NTN1: variants seen among roughly 807,000 people sequenced by gnomAD.
NTN1 encodes the protein netrin 1, also known as netrin-1.
NTN1 carries 11 observed loss-of-function variants against 54.2 expected under a neutral mutation model. The ratio of observed to expected loss-of-function variants is 0.20; its 90% CI spans 0.13 to 0.34. The LOEUF (loss-of-function observed/expected upper bound fraction) is 0.34, where lower values mean the gene tolerates loss of function less well. NTN1 is among the 10% of genes least tolerant of loss of function. NTN1 has a pLI of 1.00. For synonymous variants in NTN1, 371 were observed against 382.0 expected (o/e 0.97, Z 0.33); for missense variants, 740 against 893.1 (o/e 0.83, Z 2.18).
intron 6 of NTN1, among the ~76,000 whole-genome samples, chr17:9,234,024 A>T (rs1038975883): frequency 5.3e-5 from 8 of 152,160 alleles, no homozygotes; most frequent in African/African-American, 1.7e-4. Context: ...ACACTGCGGC[A>T]GGCTGCCCTT....
At chr17:9,127,215 G>T (rs1412273858) in intron 2 of NTN1, among the ~76,000 whole-genome samples, 1 of 152,168 alleles carries the variant, frequency 6.6e-6, no homozygotes, top group Non-Finnish European at 1.5e-5. Context: ...AGGGGTAGAA[G>T]CTGGGAACAG....
rs530483735 is a variant in NTN1, at chr17:9,233,165, C to T, written c.1487-6475C>T. Among the ~76,000 whole-genome samples, 31 of 152,080 alleles carry T rather than the reference C, an allele frequency of 2.0e-4. No homozygotes were observed. In the South Asian group the frequency reaches 6.0e-3, roughly 30 times the overall value. Reference sequence around the variant, plus strand: ...CCACCTCGAGCAGCCCATAAATCTGCGAGACCTCCAGGAGGTAGGAAGCCT... The same window carrying T: ...CCACCTCGAGCAGCCCATAAATCTGTGAGACCTCCAGGAGGTAGGAAGCCT... On this transcript the variant is annotated intron_variant, in intron 6 of 6. Coordinates refer to ENST00000173229, the MANE Select transcript of NTN1 (RefSeq NM_004822.3).
chr17:9,180,709 T>C (rs995602467), intron 4 of NTN1, among the ~76,000 whole-genome samples: 2 of 152,170 alleles, frequency 1.3e-5, no homozygotes, highest in Non-Finnish European at 2.9e-5. Flanking sequence ...AGGGCTTCCA[T>C]GCACGGCACC....
At chr17:9,078,813 CAA>C (rs2092060211) in intron 2 of NTN1, among the ~76,000 whole-genome samples, 1 of 152,194 alleles carries the variant, frequency 6.6e-6, no homozygotes, top group South Asian at 2.1e-4. Context: ...GTCAGGCAGA[CAA>C]AAAGTCTTCC....
At position 9,148,740 on chromosome 17, in the gene NTN1, C is replaced by T. The variant is rs556520356; in HGVS notation, c.1019-14073C>T. Among the ~76,000 whole-genome samples the T allele has an allele frequency of 9.2e-5, 14 of 152,002 alleles. No homozygotes were observed. In the South Asian group the frequency reaches 1.3e-3, roughly 14 times the overall value. On this transcript the variant is annotated intron_variant, in intron 2 of 6. Coordinates refer to ENST00000173229, the MANE Select transcript of NTN1 (RefSeq NM_004822.3). ...GGGGTCCAGCGTGCAGATTGGGACCCTGGTTTCACCCTGTCCCTGTCCACG... is the reference window on the plus strand; with the variant it reads ...GGGGTCCAGCGTGCAGATTGGGACCTTGGTTTCACCCTGTCCCTGTCCACG...
chr17:9,097,080 G>A (rs1240274623), intron 2 of NTN1, among the ~76,000 whole-genome samples: 3 of 152,086 alleles, frequency 2.0e-5, no homozygotes, highest in African/African-American at 7.2e-5. Context: ...TTGCTCCCAA[G>A]CTGTCTATTG....
chr17:9,239,318 C>T lies in NTN1; in HGVS notation c.1487-322C>T, dbSNP rs1597556520. Among the ~76,000 whole-genome samples, 1 of 152,204 alleles carries T rather than the reference C, an allele frequency of 6.6e-6. No homozygotes were observed. The highest frequency in any genetic ancestry group is 1.5e-5 in the Non-Finnish European group (1 of 68,024). The stretch of plus-strand genomic sequence containing the variant: ...CACCCGAGCGCCTGCCCTGGGCAGA[C>T]AGCTTGCCCAGAGTGCTGGGGGCGT... On this transcript the variant is annotated intron_variant, in intron 6 of 6. Coordinates refer to ENST00000173229, the MANE Select transcript of NTN1 (RefSeq NM_004822.3). The surrounding 1 kb of genome is among the most constrained non-coding windows in gnomAD (Gnocchi z 5.2).
chr17:9,123,622 A>G (rs1165838122), intron 2 of NTN1, among the ~76,000 whole-genome samples: 2 of 151,974 alleles, frequency 1.3e-5, no homozygotes, highest in African/African-American at 4.8e-5. Flanking sequence ...TTACATGTAC[A>G]TATCTCAGTA....
Position 9,023,266 on chromosome 17 carries a change from G to A in NTN1, c.893G>A (p.Arg298His). ...CACGCGGCCCGCTGCGTGCGCGACCGCGACGACAGCCTGGTGTGCGACTGC... is the reference window on the plus strand; with the variant it reads ...CACGCGGCCCGCTGCGTGCGCGACCACGACGACAGCCTGGTGTGCGACTGC... ...NGHAARCVRD[R>H]DDSLVCDCRH... Residue 298 changes from arginine (R) to histidine (H), a missense_variant, in exon 2 of 7, where the codon CGC becomes CAC. Transcript: ENST00000173229. The A allele has an allele frequency of 6.4e-7, 1 of 1,560,704 alleles. No homozygotes were observed. The highest frequency in any genetic ancestry group is 8.7e-7 in the Non-Finnish European group (1 of 1,154,072).
chr17:9,108,420 G>A (rs375435474), intron 2 of NTN1, among the ~76,000 whole-genome samples: 1 of 152,158 alleles, frequency 6.6e-6, no homozygotes, highest in East Asian at 1.9e-4. Flanking sequence ...GGAGTCACAC[G>A]CAGAGGCTAC....
chr17:9,225,077 A>T lies in NTN1; in HGVS notation c.1486+3835A>T, dbSNP rs184681823. 1.6e-3 allele frequency among the ~76,000 whole-genome samples: 241 copies of T among 152,226 alleles called. 1 individual carries two copies. Among genetic ancestry groups the T allele is most frequent in the African/African-American group, 5.6e-3 (232 of 41,546 alleles). On this transcript the variant is annotated intron_variant, in intron 6 of 6. Transcript: ENST00000173229. The stretch of plus-strand genomic sequence containing the variant: ...GGAGTTTGAAACCAGTCTGGCCAAC[A>T]TAGTGAAACCCCGTCTCTATTAAAA...
chr17:9,086,922 C>G (rs144481313), intron 2 of NTN1, among the ~76,000 whole-genome samples: 1 of 152,168 alleles, frequency 6.6e-6, no homozygotes, highest in Admixed American at 6.5e-5. Context: ...GCATCAGCAC[C>G]GTTGTCATCA....
chr17:9,033,917 CAAAAA>C (rs58699789), intron 2 of NTN1, among the ~76,000 whole-genome samples: 1 of 106,450 alleles, frequency 9.4e-6, no homozygotes, highest in Non-Finnish European at 1.9e-5. Flanking sequence ...AACTCTGTCT[CAAAAA>C]AAAAAAAAAA....
intron 6 of NTN1, among the ~76,000 whole-genome samples, chr17:9,227,321 CAT>C (rs1159046241): frequency 1.5e-5 from 2 of 136,944 alleles, no homozygotes; most frequent in African/African-American, 2.9e-5. Context: ...ACACCACACA[CAT>C]CAAACACAGA....
At chr17:9,033,318 G>A (rs904558509) in intron 2 of NTN1, among the ~76,000 whole-genome samples, 2 of 152,158 alleles carry the variant, frequency 1.3e-5, no homozygotes, top group African/African-American at 2.4e-5. Flanking sequence ...TGCTAGAGAA[G>A]AATGGGGCTG....
At chr17:9,138,737 G>A (rs1485574768) in intron 2 of NTN1, among the ~76,000 whole-genome samples, 2 of 152,218 alleles carry the variant, frequency 1.3e-5, no homozygotes, top group Non-Finnish European at 2.9e-5. Flanking sequence ...GTACCAGGGA[G>A]GGGCAGAGCT....
chr17:9,009,755 A>T, the NTN1 span, among the ~76,000 whole-genome samples: 9 of 152,064 alleles, frequency 5.9e-5, no homozygotes, highest in South Asian at 1.9e-3. Context: ...TTTCATGAAA[A>T]ACATTTTTCC....
In NTN1 at chr17:9,240,051, C is replaced by T. The variant is rs1906146363; in HGVS notation, c.*83C>T. 1 of 676,742 alleles carries T rather than the reference C, an allele frequency of 1.5e-6. No individual in the cohort carries two copies. The highest frequency in any genetic ancestry group is 9.0e-5 in the Admixed American group (1 of 11,082). 41.9% of individuals were successfully genotyped at this position (676,742 alleles called of 1,614,324 possible). A position where few individuals can be genotyped will look rare whatever the true frequency, so the allele number is the denominator to read the frequency against. ...GGCGCCTTGGCCCGGCCGCCGCGGA[C>T]TTGGCCCGCGAGGGCTTTCCCAGGT... On this transcript the variant is annotated 3_prime_UTR_variant, in exon 7 of 7. Coordinates refer to ENST00000173229, the MANE Select transcript of NTN1 (RefSeq NM_004822.3).
chr17:9,206,313 C>T (rs541937510), intron 5 of NTN1, among the ~76,000 whole-genome samples: 1 of 152,332 alleles, frequency 6.6e-6, no homozygotes, highest in African/African-American at 2.4e-5. Context: ...TCCAATCCAT[C>T]TTGTTCAGCA....
Sources: allele counts gnomAD v4.1 joint callset (sites outside exome capture counted in the v4.1 genomes callset), GRCh38; gene constraint gnomAD v4.1.1; non-coding constraint Gnocchi (gnomAD v3.1); transcripts MANE v1.5; gene names NCBI Gene and HGNC (gene_info 2026-07-23, HGNC 2026-07-21).